Variants in DGAT2 observed in about 807,000 individuals in gnomAD.
DGAT2 encodes diacylglycerol O-acyltransferase 2, also known as acyl-CoA retinol O-fatty-acyltransferase.
In DGAT2, 33 loss-of-function variants were observed where a neutral mutation model predicts 48.4. That is an observed-to-expected ratio of 0.68 (90% CI 0.52 to 0.91). DGAT2 has a LOEUF of 0.91. Among genes scored for constraint, DGAT2 ranks in the 40% least tolerant of loss-of-function variants. The probability of loss-of-function intolerance (pLI) is 0.00; values close to 1 mark genes in which losing one functional copy is unlikely to be tolerated. For missense variants in DGAT2, 446 were observed against 493.7 expected (o/e 0.90, Z 0.92); for synonymous variants, 191 against 194.1 (o/e 0.98, Z 0.13).
rs1258419872 is a variant in DGAT2 at position 75,784,700 on chromosome 11, A to C, written c.204A>C (p.Leu68=). 1 of 1,614,132 alleles carries C rather than the reference A, an allele frequency of 6.2e-7. No homozygotes were observed. The highest frequency in any genetic ancestry group is 2.2e-5 in the East Asian group (1 of 44,878). ...WLNRSKVEKQ[L]QVISVLQWVL... ...ATAGGTCCAAGGTGGAAAAGCAGCT[A>C]CAGGTCATCTCAGTGCTCCAGTGGG... Residue 68 remains leucine (L), a synonymous_variant, in exon 2 of 8, where the codon CTA becomes CTC. Coordinates refer to ENST00000228027, the MANE Select transcript of DGAT2 (RefSeq NM_032564.5).
At position 75,800,753 on chromosome 11, in the gene DGAT2, C is replaced by T. The variant is rs1361657030; in HGVS notation, c.*245C>T. On this transcript the variant is annotated 3_prime_UTR_variant, in exon 8 of 8. Coordinates refer to ENST00000228027, the MANE Select transcript of DGAT2 (RefSeq NM_032564.5). Reference sequence around the variant, plus strand: ...GCCTAATCTGGGTGGCTCAGCTAACCTCTCTTCTTCCCTTCCTGAAGTGAC... The same window carrying T: ...GCCTAATCTGGGTGGCTCAGCTAACTTCTCTTCTTCCCTTCCTGAAGTGAC... 2.2e-6 allele frequency: 1 copy of T among 464,244 alleles called. No homozygotes were observed. Among genetic ancestry groups the T allele is most frequent in the East Asian group, 4.2e-5 (1 of 23,572 alleles). The allele number at this position is 464,244 out of a possible 1,614,324, so 28.8% of individuals were successfully genotyped here. A position where few individuals can be genotyped will look rare whatever the true frequency, so the allele number is the denominator to read the frequency against.
intron 7 of DGAT2, among the ~76,000 whole-genome samples, chr11:75,798,671 CTG>C (rs1485476360): frequency 4.6e-5 from 7 of 152,308 alleles, no homozygotes; most frequent in African/African-American, 1.4e-4. Flanking sequence ...TCTGCAGTCT[CTG>C]GGTTTGCAGC....
At chr11:75,795,198 T>A (rs1272436685) in intron 4 of DGAT2, 1 of 152,074 alleles carries the variant, frequency 6.6e-6, no homozygotes, top group Non-Finnish European at 1.5e-5. Flanking sequence ...TTAATTTCTG[T>A]ATTTTTGTAG....
intron 1 of DGAT2, among the ~76,000 whole-genome samples, chr11:75,783,211 G>C (rs1944886560): frequency 6.6e-6 from 1 of 152,122 alleles, no homozygotes; most frequent in South Asian, 2.1e-4. Context: ...GCTTGCCTGG[G>C]GTCACATAGT....
intron 2 of DGAT2, 68 bp from the exon 3 acceptor site, chr11:75,790,120 C>A (rs1944968897): frequency 2.6e-6 from 3 of 1,168,220 alleles, no homozygotes; most frequent in Non-Finnish European, 2.6e-6. Flanking sequence ...AACACTCACT[C>A]CATCCACCAT....
chr11:75,786,548 T>G (rs1025913347), intron 2 of DGAT2, among the ~76,000 whole-genome samples: 1 of 152,148 alleles, frequency 6.6e-6, no homozygotes, highest in African/African-American at 2.4e-5. Context: ...CCCCAGGCTA[T>G]AGGTTAATAA....
intron 1 of DGAT2, among the ~76,000 whole-genome samples, chr11:75,782,167 T>C (rs991508096): frequency 6.6e-6 from 1 of 152,158 alleles, no homozygotes; most frequent in African/African-American, 2.4e-5. Flanking sequence ...TCCTGCCAAA[T>C]AGAAGGTGGT....
At chr11:75,783,692 C>T (rs953627195) in intron 1 of DGAT2, among the ~76,000 whole-genome samples, 4 of 152,210 alleles carry the variant, frequency 2.6e-5, no homozygotes, top group South Asian at 2.1e-4. Context: ...CTTCAGCTGC[C>T]GGAAGGAATG....
chr11:75,770,999 T>A (rs957361862), intron 1 of DGAT2, among the ~76,000 whole-genome samples: 5 of 152,180 alleles, frequency 3.3e-5, no homozygotes, highest in Admixed American at 1.3e-4. Flanking sequence ...TCCTTGAAGA[T>A]ACTCCCCAGT....
At chr11:75,790,534 C>G in intron 3 of DGAT2, 127 bp from the exon 4 acceptor site, 3 of 928,210 alleles carry the variant, frequency 3.2e-6, no homozygotes, top group Non-Finnish European at 5.4e-6. Flanking sequence ...GGAAAGGGGC[C>G]TGATGGGAAG....
At chr11:75,784,398 T>G (rs1944899140) in intron 1 of DGAT2, 1 of 485,598 alleles carries the variant, frequency 2.1e-6, no homozygotes. Context: ...CCATTCCCAT[T>G]GTGTATCTAT....
intron 4 of DGAT2, among the ~76,000 whole-genome samples, chr11:75,791,643 T>G (rs1404364176): frequency 2.0e-5 from 3 of 152,226 alleles, no homozygotes; most frequent in Non-Finnish European, 4.4e-5. Context: ...TCCACTGATT[T>G]CCTACTGCCT....
chr11:75,787,462 G>A (rs999879993), intron 2 of DGAT2, among the ~76,000 whole-genome samples: 4 of 152,296 alleles, frequency 2.6e-5, no homozygotes, highest in African/African-American at 4.8e-5. Flanking sequence ...CACAGGCCTC[G>A]TGGCTTCAGA....
intron 3 of DGAT2, 37 bp from the exon 4 acceptor site, chr11:75,790,624 C>T (rs1221557377): frequency 1.2e-6 from 2 of 1,601,730 alleles, no homozygotes; most frequent in South Asian, 2.2e-5. Context: ...CAAATGTACC[C>T]CCACCCCCAC....
intron 2 of DGAT2, among the ~76,000 whole-genome samples, chr11:75,785,655 C>A (rs1432179860): frequency 6.6e-6 from 1 of 152,200 alleles, no homozygotes; most frequent in Non-Finnish European, 1.5e-5. Context: ...TGCTCCAGAG[C>A]ATCACAGAGT....
At chr11:75,781,168 G>A (rs1251745443) in intron 1 of DGAT2, among the ~76,000 whole-genome samples, 1 of 152,214 alleles carries the variant, frequency 6.6e-6, no homozygotes, top group African/African-American at 2.4e-5. Context: ...TTCTGTGGGT[G>A]GCAAGATAGC....
intron 4 of DGAT2, chr11:75,792,738 G>C (rs1945005362): frequency 6.6e-6 from 1 of 151,754 alleles, no homozygotes; most frequent in South Asian, 2.1e-4. Flanking sequence ...CCAAAGTGTA[G>C]GCAGAATCCT....
chr11:75,800,614 A>G lies in DGAT2; in HGVS notation c.*106A>G. 1 of 1,369,792 alleles carries G rather than the reference A, an allele frequency of 7.3e-7. No individual in the cohort carries two copies. Among genetic ancestry groups the G allele is most frequent in the African/African-American group, 1.5e-5 (1 of 67,792 alleles). 84.9% of individuals were successfully genotyped at this position (1,369,792 alleles called of 1,614,324 possible). On this transcript the variant is annotated 3_prime_UTR_variant, in exon 8 of 8. Transcript: ENST00000228027. ...GTCTGTGGGTTATTTAAAAGAAATT[A>G]TAACAATTTTGCTAAACCATTACAA...
At chr11:75,781,407 G>A (rs1269451378) in intron 1 of DGAT2, among the ~76,000 whole-genome samples, 1 of 152,216 alleles carries the variant, frequency 6.6e-6, no homozygotes, top group South Asian at 2.1e-4. Context: ...CTGGCCCGGG[G>A]TTCAGCATCC....
Sources: gnomAD v4.1 joint callset for allele counts (sites outside exome capture counted in the v4.1 genomes callset) on GRCh38, gnomAD v4.1.1 for gene constraint, MANE v1.5 for transcripts, NCBI Gene and HGNC (gene_info 2026-07-23, HGNC 2026-07-21) for gene names.